The following ADAMTSL1 variants were observed in gnomAD, a reference collection of about 807,000 sequenced individuals.
ADAMTSL1 encodes the protein ADAMTS-like protein 1.
ADAMTSL1 carries 126 observed loss-of-function variants against 201.8 expected under a neutral mutation model. The ratio of observed to expected loss-of-function variants is 0.62; its 90% CI spans 0.54 to 0.72. The LOEUF (loss-of-function observed/expected upper bound fraction) is 0.72, where lower values mean the gene tolerates loss of function less well. ADAMTSL1 is among the 30% of genes least tolerant of loss of function. ADAMTSL1 has a pLI of 0.00. For synonymous variants in ADAMTSL1, 1,121 were observed against 903.4 expected, an observed-to-expected ratio of 1.24 and a Z score of -4.32; for missense variants, 2,679 against 2,277.8, an observed-to-expected ratio of 1.18 and a Z score of -3.59.
At chr9:17,913,573 A>T (rs1031949524) in intron 1 of ADAMTSL1, among the ~76,000 whole-genome samples, 3 of 152,186 alleles carry the variant, frequency 2.0e-5, no homozygotes, top group African/African-American at 7.2e-5. Context: ...AAAGCAGGAA[A>T]GATCCAAAAT....
chr9:18,631,109 T>A (rs993067332), intron 5 of ADAMTSL1, among the ~76,000 whole-genome samples: 3 of 152,300 alleles, frequency 2.0e-5, no homozygotes, highest in South Asian at 2.1e-4. Flanking sequence ...TTCATATATG[T>A]TAAAGCATGA....
At chr9:18,554,162 C>T (rs1265398571) in intron 3 of ADAMTSL1, among the ~76,000 whole-genome samples, 1 of 150,340 alleles carries the variant, frequency 6.7e-6, no homozygotes, top group African/African-American at 2.5e-5. Flanking sequence ...TATATGAGTT[C>T]TGTTTTTTTT....
chr9:18,175,383 A>G (rs1221330634), intron 2 of ADAMTSL1, among the ~76,000 whole-genome samples: 3 of 152,198 alleles, frequency 2.0e-5, no homozygotes, highest in Middle Eastern at 3.2e-3. Flanking sequence ...GCATTTATCA[A>G]TATAATATTG....
intron 2 of ADAMTSL1, among the ~76,000 whole-genome samples, chr9:18,333,892 G>A (rs924810546): frequency 6.6e-6 from 1 of 152,086 alleles, no homozygotes; most frequent in African/African-American, 2.4e-5. Flanking sequence ...GAGCAGTCAG[G>A]CCTGACCATG....
intron 2 of ADAMTSL1, among the ~76,000 whole-genome samples, chr9:18,344,306 T>A (rs1835601752): frequency 6.6e-6 from 1 of 152,098 alleles, no homozygotes; most frequent in South Asian, 2.1e-4. Flanking sequence ...TAATAACATT[T>A]TAATTTTTTT....
intron 1 of ADAMTSL1, among the ~76,000 whole-genome samples, chr9:18,122,640 G>T (rs1019530786): frequency 5.3e-5 from 8 of 152,084 alleles, no homozygotes; most frequent in Non-Finnish European, 8.8e-5. Flanking sequence ...TTATAATAAT[G>T]GTTCAGTCCA....
chr9:18,130,383 C>T (rs1008926521), intron 1 of ADAMTSL1, among the ~76,000 whole-genome samples: 1 of 152,202 alleles, frequency 6.6e-6, no homozygotes, highest in Non-Finnish European at 1.5e-5. Context: ...ACTATGACTA[C>T]ATTCTCATTT....
chr9:18,436,859 T>C (rs1037836650), intron 2 of ADAMTSL1, among the ~76,000 whole-genome samples: 6 of 152,142 alleles, frequency 3.9e-5, no homozygotes, highest in Non-Finnish European at 5.9e-5. Flanking sequence ...GCAAAAATGT[T>C]TGTTGCAGAG....
intron 23 of ADAMTSL1, among the ~76,000 whole-genome samples, chr9:18,838,733 G>A (rs1465668331): frequency 6.6e-6 from 1 of 151,710 alleles, no homozygotes. Context: ...GGGAGGCTGA[G>A]GTGTAGTCCT....
At chr9:18,289,514 G>T (rs1347729939) in intron 2 of ADAMTSL1, among the ~76,000 whole-genome samples, 1 of 152,158 alleles carries the variant, frequency 6.6e-6, no homozygotes, top group Non-Finnish European at 1.5e-5. Flanking sequence ...AGAATACCAG[G>T]GTGGTGTATA....
chr9:18,839,921 G>C (rs1296758148), intron 23 of ADAMTSL1, among the ~76,000 whole-genome samples: 1 of 148,590 alleles, frequency 6.7e-6, no homozygotes, highest in East Asian at 2.0e-4. Flanking sequence ...GTTCATTGTA[G>C]ATTCTGGATA....
At chr9:18,435,760 C>T (rs1031554372) in intron 2 of ADAMTSL1, among the ~76,000 whole-genome samples, 4 of 152,142 alleles carry the variant, frequency 2.6e-5, no homozygotes, top group Admixed American at 6.5e-5. Flanking sequence ...TCACATCTTA[C>T]GTGGATGGTG....
chr9:18,489,583 A>G (rs1419560372), intron 1 of ADAMTSL1, among the ~76,000 whole-genome samples: 2 of 152,242 alleles, frequency 1.3e-5, no homozygotes, highest in Admixed American at 6.5e-5. Context: ...AAGAAATTAA[A>G]ACCTTCCTGA....
chr9:18,513,871 G>C (rs1488023800), intron 2 of ADAMTSL1, among the ~76,000 whole-genome samples: 1 of 152,162 alleles, frequency 6.6e-6, no homozygotes, highest in Non-Finnish European at 1.5e-5. Flanking sequence ...CTTTACACCA[G>C]TACCATACTA....
At chr9:18,647,985 G>C (rs376709846) in intron 7 of ADAMTSL1, among the ~76,000 whole-genome samples, 5 of 149,588 alleles carry the variant, frequency 3.3e-5, no homozygotes, top group East Asian at 3.9e-4. Flanking sequence ...TTGACAGTGG[G>C]GTGTTAAAGT....
At chr9:18,622,130 T>G (rs1301447391) in intron 4 of ADAMTSL1, 113 bp from the exon 5 acceptor site, 2 of 1,363,990 alleles carry the variant, frequency 1.5e-6, no homozygotes, top group East Asian at 4.7e-5. Context: ...TCACGGGGTA[T>G]GTTTTAGGCC....
At chr9:18,365,741 G>A (rs933253172) in intron 2 of ADAMTSL1, among the ~76,000 whole-genome samples, 2 of 152,138 alleles carry the variant, frequency 1.3e-5, no homozygotes, top group East Asian at 1.9e-4. Flanking sequence ...TCCATCCCCC[G>A]GGCTGTGGAC....
chr9:18,128,913 C>T (rs906788329), intron 1 of ADAMTSL1, among the ~76,000 whole-genome samples: 2 of 151,956 alleles, frequency 1.3e-5, no homozygotes, highest in African/African-American at 2.4e-5. Context: ...AAAATATTTT[C>T]CTTTGAAAAA....
chr9:18,542,349 C>T (rs2132163500), intron 3 of ADAMTSL1, among the ~76,000 whole-genome samples: 1 of 152,264 alleles, frequency 6.6e-6, no homozygotes, highest in East Asian at 1.9e-4. Flanking sequence ...CTGACTCAGT[C>T]ATGTTGGCTC....
Sources: gnomAD v4.1 joint callset for allele counts (sites outside exome capture counted in the v4.1 genomes callset) on GRCh38, gnomAD v4.1.1 for gene constraint, MANE v1.5 for transcripts, NCBI Gene and HGNC (gene_info 2026-07-23, HGNC 2026-07-21) for gene names.